The following ASCC3 variants were observed in gnomAD, a reference collection of about 807,000 sequenced individuals.
ASCC3 encodes the protein activating signal cointegrator 1 complex subunit 3.
A neutral mutation model predicts 256.3 loss-of-function variants in ASCC3; 158 were observed. The observed-to-expected ratio is 0.62, with a 90% CI of 0.54 to 0.70. The LOEUF is 0.70. Ranked by LOEUF, ASCC3 falls within the 30% of genes least tolerant of loss-of-function variation. The pLI is 0.00. For missense variants in ASCC3, 2,259 were observed against 2,626.0 expected (o/e 0.86, Z 3.05); for synonymous variants, 948 against 883.4 (o/e 1.07, Z -1.30).
At chr6:100,608,097 C>CACATATACATGTATATATATCTATATAT (rs1773028039) in intron 30 of ASCC3, among the ~76,000 whole-genome samples, 1 of 45,026 alleles carries the variant, frequency 2.2e-5, no homozygotes, top group Non-Finnish European at 4.1e-5. Context: ...TATCTATATA[C>CACATATACATGTATATATATCTATATAT]ACATATATAT....
chr6:100,622,267 G>A (rs1171706604), intron 30 of ASCC3, among the ~76,000 whole-genome samples: 1 of 152,070 alleles, frequency 6.6e-6, no homozygotes, highest in Non-Finnish European at 1.5e-5. Flanking sequence ...CACATGTTAC[G>A]GGAGAGACCA....
chr6:100,858,914 A>G, intron 3 of ASCC3: 1 of 562,974 alleles, frequency 1.8e-6, no homozygotes. Flanking sequence ...TTTGATTATT[A>G]TATGCCTTTA....
At chr6:100,532,467 A>G (rs7752319) in intron 37 of ASCC3, among the ~76,000 whole-genome samples, 2,549 of 142,034 alleles carry the variant, frequency 0.018, 65 homozygotes, top group African/African-American at 0.063. Context: ...GCTGAAAATG[A>G]TCATTTCTCT....
chr6:100,669,481 C>T (rs1282510467), intron 14 of ASCC3, among the ~76,000 whole-genome samples: 3 of 151,300 alleles, frequency 2.0e-5, no homozygotes, highest in Non-Finnish European at 4.4e-5. Flanking sequence ...AATTTTGAGA[C>T]AGGAAAACTT....
intron 8 of ASCC3, among the ~76,000 whole-genome samples, chr6:100,789,684 A>T (rs754749495): frequency 3.3e-4 from 50 of 151,986 alleles, no homozygotes; most frequent in Non-Finnish European, 5.7e-4. Context: ...AGAGGTCCCT[A>T]TAAGAAAAAT....
chr6:100,514,482 T>C (rs746898289), intron 39 of ASCC3, among the ~76,000 whole-genome samples: 1 of 152,222 alleles, frequency 6.6e-6, no homozygotes, highest in Non-Finnish European at 1.5e-5. Context: ...TTGTTATTAG[T>C]AACTCATTGG....
At chr6:100,514,719 T>C (rs955912906) in intron 39 of ASCC3, among the ~76,000 whole-genome samples, 11 of 152,132 alleles carry the variant, frequency 7.2e-5, no homozygotes, top group Non-Finnish European at 1.5e-4. Flanking sequence ...TCTTCATCTA[T>C]TGAATCAGGC....
Position 100,767,202 on chromosome 6 carries a change from G to A in ASCC3, c.1539C>T (p.Val513=), listed in dbSNP as rs1781697292. The A allele has an allele frequency of 6.2e-7, 1 of 1,613,934 alleles. No individual in the cohort carries two copies. The highest frequency in any genetic ancestry group is 1.7e-5 in the Admixed American group (1 of 60,002). The part of the protein sequence containing the change: ...AGKTNIAMLT[V]LHEIRQHFQQ... ...GAAAATGTTGGCGAATTTCATGCAA[G>A]ACTGTCAGCATTGCAATGTTGGTTT... Residue 513 remains valine, a synonymous_variant, in exon 9 of 42, where the codon GTC becomes GTT. Transcript: ENST00000369162.
At chr6:100,865,710 C>A (rs1199071052) in intron 2 of ASCC3, among the ~76,000 whole-genome samples, 2 of 151,996 alleles carry the variant, frequency 1.3e-5, no homozygotes, top group African/African-American at 4.8e-5. Flanking sequence ...TATCATTCTA[C>A]AATAGATTCA....
intron 30 of ASCC3, among the ~76,000 whole-genome samples, chr6:100,622,057 G>C (rs183210085): frequency 2.6e-5 from 4 of 151,990 alleles, no homozygotes; most frequent in African/African-American, 7.2e-5. Flanking sequence ...ATGGACATAC[G>C]GGGGGAACTA....
rs971654537 is a variant in ASCC3, at chr6:100,562,607, G to C, written c.5551-22220C>G. ...TTCAAGAACGTAAGTTTATGTTTTG[G>C]TGGTTACAAATTATTTATTCTGAAA... On this transcript the variant is annotated intron_variant, in intron 36 of 41. Transcript: ENST00000369162. 2.4e-4 allele frequency among the ~76,000 whole-genome samples: 37 copies of C among 152,048 alleles called. 1 individual carries two copies. The highest frequency in any genetic ancestry group is 8.2e-4 in the African/African-American group (34 of 41,524).
rs116193486 is a variant in ASCC3 at position 100,571,207 on chromosome 6, C to T, written c.5550+18427G>A. 1.5e-3 allele frequency among the ~76,000 whole-genome samples: 229 copies of T among 152,312 alleles called. 3 individuals are homozygous for T. Among genetic ancestry groups the T allele is most frequent in the African/African-American group, 5.3e-3 (219 of 41,574 alleles). ...ATTCTTTGAAATTTCCAAGCAGCTC[C>T]TGCTTCCTTTGCATTTGCTTTTCCC... On this transcript the variant is annotated intron_variant, in intron 36 of 41. Transcript: ENST00000369162.
rs115709263 is a variant in ASCC3, at chr6:100,784,872, C to T, written c.1395+13841G>A. ...TCTGTATTGACTTCATGTATTAAAA[C>T]AACAATATTTCTTTATAAATAGAAA... On this transcript the variant is annotated intron_variant, in intron 8 of 41. Coordinates refer to ENST00000369162, the MANE Select transcript of ASCC3 (RefSeq NM_006828.4). 5.7e-3 allele frequency among the ~76,000 whole-genome samples: 867 copies of T among 151,930 alleles called. 10 individuals are homozygous for T. The highest frequency in any genetic ancestry group is 0.02 in the African/African-American group (833 of 41,486).
chr6:100,791,242 T>C (rs1419328938), intron 8 of ASCC3, among the ~76,000 whole-genome samples: 1 of 151,922 alleles, frequency 6.6e-6, no homozygotes. Flanking sequence ...CCCCAATTAC[T>C]TTCAAGAATA....
In ASCC3 at chr6:100,661,360, A is replaced by AC. The variant is rs1346997501; in HGVS notation, c.2703+445_2703+446insG. ...ACACACACACACACACACACACACA[A>AC]AACAAATGATCATAATCTAGCTCAA... On this transcript the variant is annotated intron_variant, in intron 16 of 41. Coordinates refer to ENST00000369162, the MANE Select transcript of ASCC3 (RefSeq NM_006828.4). 8.5e-3 allele frequency among the ~76,000 whole-genome samples: 686 copies of AC among 80,792 alleles called. 8 individuals are homozygous for AC. Among genetic ancestry groups the AC allele is most frequent in the East Asian group, 0.045 (167 of 3,748 alleles). The allele number at this position is 80,792 out of a possible 152,430, so 53.0% of individuals were successfully genotyped here.
chr6:100,634,864 C>CAAA (rs199632200), intron 25 of ASCC3, among the ~76,000 whole-genome samples: 1,777 of 119,190 alleles, frequency 0.015, 9 homozygotes, highest in East Asian at 0.05. Context: ...CCTCAAAAAA[C>CAAA]AAAAAAAAAA....
intron 10 of ASCC3, among the ~76,000 whole-genome samples, chr6:100,753,507 T>A (rs1582811660): frequency 1.5e-5 from 1 of 66,914 alleles, no homozygotes; most frequent in South Asian, 6.3e-4. Flanking sequence ...CTTTTTTTTT[T>A]TAAAAAAAAA....
At chr6:100,740,161 C>T (rs773270733) in intron 10 of ASCC3, among the ~76,000 whole-genome samples, 68 of 152,110 alleles carry the variant, frequency 4.5e-4, no homozygotes, top group Admixed American at 4.2e-3. Flanking sequence ...GAAAGAACTT[C>T]TTGATTTCTG....
At chr6:100,746,047 T>G (rs888866883) in intron 10 of ASCC3, among the ~76,000 whole-genome samples, 1 of 151,160 alleles carries the variant, frequency 6.6e-6, no homozygotes, top group Admixed American at 6.7e-5. Flanking sequence ...TAGCTAATAC[T>G]TATTGAAAAC....
Sources: gnomAD v4.1 joint callset for allele counts (sites outside exome capture counted in the v4.1 genomes callset) on GRCh38, gnomAD v4.1.1 for gene constraint, MANE v1.5 for transcripts, NCBI Gene and HGNC (gene_info 2026-07-23, HGNC 2026-07-21) for gene names.